ADK: variants seen among roughly 807,000 people sequenced by gnomAD.
ADK encodes the protein adenosine kinase.
Under a neutral mutation model 44.7 loss-of-function variants are expected in ADK, and 24 were observed. That is an observed-to-expected ratio of 0.54 (90% CI 0.39 to 0.76). ADK has a LOEUF of 0.76. ADK is among the 30% of genes least tolerant of loss of function. The pLI, the probability that ADK is intolerant of heterozygous loss-of-function variation, is 0.00. For missense variants in ADK, 321 were observed against 425.1 expected (o/e 0.76, Z 2.15); for synonymous variants, 128 against 142.6 (o/e 0.90, Z 0.73).
At chr10:74,471,417 T>C (rs73290277) in intron 6 of ADK, among the ~76,000 whole-genome samples, 4,770 of 152,272 alleles carry the variant, frequency 0.031, 218 homozygotes, top group African/African-American at 0.096. Context: ...TTGTGTAATA[T>C]GTTTTGAAAT....
At chr10:74,229,214 A>G (rs1844656482) in intron 3 of ADK, among the ~76,000 whole-genome samples, 1 of 152,170 alleles carries the variant, frequency 6.6e-6, no homozygotes, top group Non-Finnish European at 1.5e-5. Context: ...AAATTATGCA[A>G]TAGGCATGAA....
intron 6 of ADK, among the ~76,000 whole-genome samples, chr10:74,503,727 T>C (rs2133460864): frequency 6.6e-6 from 1 of 152,294 alleles, no homozygotes; most frequent in South Asian, 2.1e-4. Flanking sequence ...AGCTAATTTT[T>C]GTGGAAGGTT....
At chr10:74,627,122 C>T (rs773788361) in intron 9 of ADK, among the ~76,000 whole-genome samples, 2 of 151,788 alleles carry the variant, frequency 1.3e-5, no homozygotes. Context: ...GCCCTCATAG[C>T]ATATATATAT....
chr10:74,277,196 G>C (rs1846722746), intron 3 of ADK, among the ~76,000 whole-genome samples: 1 of 152,098 alleles, frequency 6.6e-6, no homozygotes. Context: ...GGGATTACAG[G>C]CATGAGCCAC....
intron 4 of ADK, among the ~76,000 whole-genome samples, chr10:74,386,990 G>T (rs561528617): frequency 1.3e-5 from 2 of 151,558 alleles, no homozygotes; most frequent in Admixed American, 1.3e-4. Context: ...AGGCTGTAGC[G>T]CAGTGGCGGG....
chr10:74,201,380 T>C (rs1424297855), intron 2 of ADK, among the ~76,000 whole-genome samples: 2 of 152,216 alleles, frequency 1.3e-5, no homozygotes, highest in African/African-American at 2.4e-5. Flanking sequence ...GGCCATTTCG[T>C]ACAATAGTCC....
At chr10:74,476,824 A>G (rs1261795890) in intron 6 of ADK, among the ~76,000 whole-genome samples, 2 of 152,182 alleles carry the variant, frequency 1.3e-5, no homozygotes, top group Non-Finnish European at 2.9e-5. Flanking sequence ...ACCATGGGAA[A>G]AGTTAATCTG....
At chr10:74,525,183 G>A in intron 6 of ADK, 73 bp from the exon 7 acceptor site, 5 of 1,414,460 alleles carry the variant, frequency 3.5e-6, no homozygotes, top group Non-Finnish European at 5.0e-6. Flanking sequence ...TTTTGTATAG[G>A]TTTCTTTTAT....
intron 7 of ADK, chr10:74,530,655 G>A (rs1849247923): frequency 1.3e-5 from 2 of 152,280 alleles, no homozygotes; most frequent in Admixed American, 1.3e-4. Context: ...GCCAAGCACA[G>A]TGGCTCACGC....
chr10:74,267,754 T>TGTGTG (rs1846265534), intron 3 of ADK, among the ~76,000 whole-genome samples: 76 of 132,844 alleles, frequency 5.7e-4, no homozygotes, highest in African/African-American at 2.1e-3. Flanking sequence ...ATATCCTTAT[T>TGTGTG]TGTGTGTGTG....
chr10:74,677,220 G>A (rs1855424555), intron 10 of ADK, among the ~76,000 whole-genome samples: 1 of 152,200 alleles, frequency 6.6e-6, no homozygotes, highest in Non-Finnish European at 1.5e-5. Context: ...ACTCCAGGCT[G>A]GGTGACAGAG....
intron 3 of ADK, among the ~76,000 whole-genome samples, chr10:74,301,637 T>C (rs1172977809): frequency 6.6e-6 from 1 of 152,126 alleles, no homozygotes; most frequent in Admixed American, 6.5e-5. Context: ...GTTATTAATA[T>C]TCCTAAATTT....
At chr10:74,619,890 T>A (rs369963193) in intron 9 of ADK, among the ~76,000 whole-genome samples, 31 of 152,238 alleles carry the variant, frequency 2.0e-4, no homozygotes, top group African/African-American at 7.2e-4. Context: ...CTGGCTAATT[T>A]TTTTTATTTT....
intron 6 of ADK, among the ~76,000 whole-genome samples, chr10:74,489,503 G>GA (rs1009795608): frequency 1.3e-5 from 2 of 151,710 alleles, no homozygotes; most frequent in South Asian, 4.2e-4. Context: ...GTACATATGT[G>GA]AAAAAAAGTC....
At chr10:74,222,335 G>C (rs1349747753) in intron 2 of ADK, among the ~76,000 whole-genome samples, 2 of 151,934 alleles carry the variant, frequency 1.3e-5, no homozygotes, top group Non-Finnish European at 2.9e-5. Context: ...CAGTTAGAAT[G>C]GCAATCATTA....
At chr10:74,303,703 A>AACGCCTGT (rs1840155730) in intron 3 of ADK, among the ~76,000 whole-genome samples, 1 of 146,488 alleles carries the variant, frequency 6.8e-6, no homozygotes, top group African/African-American at 2.5e-5. Flanking sequence ...TGCAGTGGCT[A>AACGCCTGT]ACGCCTGTAA....
intron 9 of ADK, among the ~76,000 whole-genome samples, chr10:74,647,051 G>A (rs530907140): frequency 6.6e-6 from 1 of 151,984 alleles, no homozygotes; most frequent in African/African-American, 2.4e-5. Flanking sequence ...TATATTGAGT[G>A]AGCTCCGTTT....
At chr10:74,429,760 T>C (rs1344429275) in intron 6 of ADK, among the ~76,000 whole-genome samples, 2 of 152,200 alleles carry the variant, frequency 1.3e-5, no homozygotes, top group Non-Finnish European at 2.9e-5. Context: ...ATTCTGTCAG[T>C]ACACTAAAAG....
At chr10:74,610,853 A>T (rs188318278) in intron 9 of ADK, among the ~76,000 whole-genome samples, 8 of 152,186 alleles carry the variant, frequency 5.3e-5, no homozygotes, top group Admixed American at 1.3e-4. Flanking sequence ...TAAAAAAGTA[A>T]ATATATATAT....
Sources: gnomAD v4.1 joint callset for allele counts (sites outside exome capture counted in the v4.1 genomes callset) on GRCh38, gnomAD v4.1.1 for gene constraint, MANE v1.5 for transcripts, NCBI Gene and HGNC (gene_info 2026-07-23, HGNC 2026-07-21) for gene names.